Variants in MCCC1 observed in about 807,000 individuals in gnomAD.
MCCC1 encodes methylcrotonoyl-CoA carboxylase subunit alpha, mitochondrial.
A neutral mutation model predicts 83.8 loss-of-function variants in MCCC1; 64 were observed. The ratio of observed to expected loss-of-function variants is 0.76; its 90% confidence interval spans 0.62 to 0.94. MCCC1 has a LOEUF of 0.94. MCCC1 is among the 40% of genes least tolerant of loss of function. The pLI is 0.00. For synonymous variants in MCCC1, 322 were observed against 315.4 expected, an observed-to-expected ratio of 1.02 and a Z score of -0.22; for missense variants, 807 against 904.7, an observed-to-expected ratio of 0.89 and a Z score of 1.39.
At chr3:183,101,295 G>A (rs929823976), upstream of MCCC1, among the ~76,000 whole-genome samples, 17 of 152,374 alleles carry the variant, frequency 1.1e-4, no homozygotes, top group South Asian at 2.1e-4. Context: ...GCACGGCGGC[G>A]CAGGACTGGC....
At chr3:183,109,524 A>G (rs967129140) in intron 1 of MCCC1, among the ~76,000 whole-genome samples, 2 of 152,156 alleles carry the variant, frequency 1.3e-5, no homozygotes, top group Non-Finnish European at 2.9e-5. Context: ...TTCTGTTCCC[A>G]TGTTAATTCG....
chr3:183,086,984 T>C (rs555014231), intron 3 of MCCC1, among the ~76,000 whole-genome samples, 196 bp from the exon 4 acceptor site: 1 of 152,230 alleles, frequency 6.6e-6, no homozygotes, highest in South Asian at 2.1e-4. Context: ...ATCTTTTGCA[T>C]GAAGAGGGTA....
At chr3:183,017,386 G>T in intron 17 of MCCC1, 49 bp from the exon 18 acceptor site, 1 of 1,571,294 alleles carries the variant, frequency 6.4e-7, no homozygotes, top group Non-Finnish European at 8.7e-7. Flanking sequence ...AGAGGTCCTA[G>T]ATATGTTCAT....
At chr3:183,032,209 A>G (rs1713138390) in intron 14 of MCCC1, among the ~76,000 whole-genome samples, 1 of 152,232 alleles carries the variant, frequency 6.6e-6, no homozygotes, top group Non-Finnish European at 1.5e-5. Context: ...ACTTCAAATC[A>G]GTGCTTGGTG....
chr3:183,024,107 G>A (rs534406730), intron 15 of MCCC1, among the ~76,000 whole-genome samples: 13 of 152,130 alleles, frequency 8.5e-5, no homozygotes, highest in East Asian at 5.8e-4. Flanking sequence ...ACAATTACCC[G>A]GGCATGGTGG....
At chr3:183,066,303 A>C (rs1716254013) in intron 7 of MCCC1, among the ~76,000 whole-genome samples, 1 of 151,986 alleles carries the variant, frequency 6.6e-6, no homozygotes, top group South Asian at 2.1e-4. Flanking sequence ...AAGGAGATTT[A>C]TTATTATTAT....
upstream of MCCC1, among the ~76,000 whole-genome samples, chr3:183,100,627 C>T (rs774006169): frequency 6.6e-6 from 1 of 152,216 alleles, no homozygotes; most frequent in Non-Finnish European, 1.5e-5. Context: ...CACGACAGAC[C>T]AATTTCACAT....
rs773029355 is a variant in MCCC1, at chr3:183,045,425, C to A, written c.1071G>T (p.Glu357Asp). The A allele has an allele frequency of 6.2e-7, 1 of 1,614,134 alleles. No homozygotes were observed. Among genetic ancestry groups the A allele is most frequent in the South Asian group, 1.1e-5 (1 of 91,082 alleles). The stretch of plus-strand genomic sequence containing the variant: ...AAAATATTCTCACTCTAAGCTGCCA[C>A]TCCACCAAGTCAGTTCCTGTGATCA... ...TEMITGTDLV[E>D]WQLRIAAGEK... Residue 357 changes from glutamate (E) to aspartate (D), a missense_variant, in exon 10 of 19, where the codon GAG becomes GAT. By Grantham distance (45) the Glu-to-Asp change is conservative. Coordinates refer to ENST00000265594, the MANE Select transcript of MCCC1 (RefSeq NM_020166.5).
intron 18 of MCCC1, 110 bp from the exon 19 acceptor site, chr3:183,015,676 GT>G: frequency 7.5e-7 from 1 of 1,326,458 alleles, no homozygotes; most frequent in African/African-American, 1.4e-5. Context: ...CAACTTTGAT[GT>G]TTTGTCATCT....
upstream of MCCC1, chr3:183,099,531 G>A (rs1030693166): frequency 1.2e-5 from 18 of 1,477,046 alleles, no homozygotes; most frequent in African/African-American, 1.5e-4. Context: ...GAAGCCTCGT[G>A]ACCCCCGCCG....
intron 2 of MCCC1, among the ~76,000 whole-genome samples, chr3:183,093,149 C>T (rs1718491064): frequency 2.0e-5 from 3 of 152,178 alleles, no homozygotes. Context: ...CTGCCTTGGC[C>T]TCCCGAAGTG....
At chr3:183,036,415 T>C (rs1445816687) in intron 13 of MCCC1, among the ~76,000 whole-genome samples, 2 of 151,808 alleles carry the variant, frequency 1.3e-5, no homozygotes, top group Non-Finnish European at 1.5e-5. Context: ...ACAAAGGGAG[T>C]TGCTGCAGGT....
At chr3:183,082,707 G>A (rs1717601839) in intron 4 of MCCC1, among the ~76,000 whole-genome samples, 1 of 152,212 alleles carries the variant, frequency 6.6e-6, no homozygotes, top group African/African-American at 2.4e-5. Context: ...GGCCAGGGCG[G>A]TGGCTCACGT....
rs892402514 is a variant in MCCC1, at chr3:183,036,609, G to C, written c.1594+609C>G. ...GGCTGGAGTGCAGTGGCGCGATCTC[G>C]GTTCACTGCAACCTCCGCCTCCCGG... On this transcript the variant is annotated intron_variant, in intron 13 of 18. Transcript: ENST00000265594. 1.4e-5 allele frequency among the ~76,000 whole-genome samples: 2 copies of C among 148,056 alleles called. 1 individual carries two copies. The highest frequency in any genetic ancestry group is 4.3e-4 in the South Asian group (2 of 4,690).
At chr3:183,037,841 C>G (rs892063345) in intron 12 of MCCC1, among the ~76,000 whole-genome samples, 4 of 152,188 alleles carry the variant, frequency 2.6e-5, no homozygotes, top group African/African-American at 9.7e-5. Flanking sequence ...AAACAGCAAG[C>G]TGGATTGCTA....
rs771207670 is a variant in MCCC1 at position 183,064,316 on chromosome 3, G to T, written c.761+6683C>A. Among the ~76,000 whole-genome samples the T allele has an allele frequency of 1.1e-4, 17 of 151,974 alleles. No homozygotes were observed. Among genetic ancestry groups the T allele is most frequent in the Non-Finnish European group, 1.8e-4 (12 of 68,004 alleles). ...AAGTGATAACTCTGTATTCCCACAAGTGGTATATATCGTAAATATTAAAAT... is the reference window on the plus strand; with the variant it reads ...AAGTGATAACTCTGTATTCCCACAATTGGTATATATCGTAAATATTAAAAT... On this transcript the variant is annotated intron_variant, in intron 7 of 18. Transcript: ENST00000265594. The surrounding 1 kb of genome is among the most constrained non-coding windows in gnomAD (Gnocchi z 4.5).
At chr3:183,061,374 T>C (rs1715821737) in intron 7 of MCCC1, among the ~76,000 whole-genome samples, 2 of 152,226 alleles carry the variant, frequency 1.3e-5, no homozygotes, top group East Asian at 1.9e-4. Context: ...GGATTTCTTC[T>C]GTTAGGGAGA....
chr3:183,073,125 GAAC>G (rs139815488), intron 4 of MCCC1, among the ~76,000 whole-genome samples: 9,771 of 152,234 alleles, frequency 0.064, 473 homozygotes, highest in African/African-American at 0.11. Flanking sequence ...CTGCTGCTGT[GAAC>G]AACAAGTATT....
At chr3:183,019,405 A>C (rs951545540) in intron 17 of MCCC1, among the ~76,000 whole-genome samples, 3 of 152,170 alleles carry the variant, frequency 2.0e-5, no homozygotes, top group Non-Finnish European at 4.4e-5. Flanking sequence ...GTCATGAGGG[A>C]TCTGGCCTCA....
Sources: allele counts gnomAD v4.1 joint callset (sites outside exome capture counted in the v4.1 genomes callset), GRCh38; gene constraint gnomAD v4.1.1; non-coding constraint Gnocchi (gnomAD v3.1); transcripts MANE v1.5; gene names NCBI Gene and HGNC (gene_info 2026-07-23, HGNC 2026-07-21).